The following ZNF777 variants were observed in gnomAD, a reference collection of about 807,000 sequenced individuals.
The protein encoded by ZNF777 is zinc finger protein 777.
A neutral mutation model predicts 72.1 loss-of-function variants in ZNF777; 7 were observed. The ratio of observed to expected loss-of-function variants is 0.10; its 90% CI spans 0.06 to 0.18. The LOEUF is 0.18. Ranked by LOEUF, ZNF777 falls within the 10% of genes least tolerant of loss-of-function variation. ZNF777 has a pLI of 1.00. For missense variants in ZNF777, 828 were observed against 1,128.6 expected (o/e 0.73, Z 3.82); for synonymous variants, 545 against 483.5 (o/e 1.13, Z -1.67).
At chr7:149,451,138 AT>A (rs1364616119) in intron 3 of ZNF777, 26 bp from the exon 4 acceptor site, 2 of 1,592,722 alleles carry the variant, frequency 1.3e-6, no homozygotes, top group Non-Finnish European at 1.7e-6. Context: ...GGAAAAAAAT[AT>A]GCTCTGGGAT....
Position 149,455,783 on chromosome 7 carries a change from T to C in ZNF777, c.240A>G (p.Ser80=). The C allele has an allele frequency of 6.2e-7, 1 of 1,608,504 alleles. No homozygotes were observed. The highest frequency in any genetic ancestry group is 8.5e-7 in the Non-Finnish European group (1 of 1,176,898). Residue 80 remains serine, a synonymous_variant, in exon 2 of 6, where the codon TCA becomes TCG. Transcript: ENST00000247930. The surrounding 1 kb of genome is among the most constrained non-coding windows in gnomAD (Gnocchi z 4.2). ...GCTCAGAAGCGGCAGAACACAGGAG[T>C]GAGGGTCCCTTCTGGAGCACATGTG... ...RMPHVLQKGP[S]LLCSAASEQE... is the part of the protein sequence containing the mutation.
intron 4 of ZNF777, among the ~76,000 whole-genome samples, chr7:149,438,229 C>T (rs556448822): frequency 1.3e-5 from 2 of 151,810 alleles, no homozygotes; most frequent in East Asian, 3.9e-4. Flanking sequence ...AACTCCTGGC[C>T]TCAAGTGATC....
At position 149,455,157 on chromosome 7, in the gene ZNF777, C is replaced by T. The variant is rs965359240; in HGVS notation, c.846+20G>A. 1.9e-6 allele frequency: 3 copies of T among 1,596,684 alleles called. No individual in the cohort carries two copies. Among genetic ancestry groups the T allele is most frequent in the East Asian group, 4.5e-5 (2 of 44,808 alleles). Reference sequence around the variant, plus strand: ...AATTCAGATCACTTCCTTGGGAAGCCCCAGTTGGGATGTGCTTACCTTGGG... The same window carrying T: ...AATTCAGATCACTTCCTTGGGAAGCTCCAGTTGGGATGTGCTTACCTTGGG... On this transcript the variant is annotated intron_variant, in intron 2 of 5. Transcript: ENST00000247930. This position sits in a 1 kb window ranked among gnomAD's most constrained non-coding sequence, Gnocchi z 4.2.
intron 4 of ZNF777, among the ~76,000 whole-genome samples, chr7:149,438,935 C>T (rs1563234736): frequency 6.6e-6 from 1 of 152,136 alleles, no homozygotes; most frequent in Admixed American, 6.6e-5. Context: ...TAAATGAAGA[C>T]CTTTGATTCC....
At chr7:149,451,175 T>C in intron 3 of ZNF777, 63 bp from the exon 4 acceptor site, 1 of 1,443,200 alleles carries the variant, frequency 6.9e-7, no homozygotes, top group Non-Finnish European at 9.7e-7. Flanking sequence ...GTTGTTAAGG[T>C]ATCATCTGTG....
Position 149,456,113 on chromosome 7 carries a change from T to C in ZNF777, c.-15-76A>G, listed in dbSNP as rs1799825836. ...TAGCAAAATAAAACCCAAAGACAAG[T>C]ATACACATAAAAAGTGCTTCCGTTT... On this transcript the variant is annotated intron_variant, in intron 1 of 5. Transcript: ENST00000247930. The C allele has an allele frequency of 2.7e-6, 4 of 1,471,920 alleles. No individual in the cohort carries two copies. The East Asian group carries it at 6.9e-5, about 25-fold the overall frequency. The allele number at this position is 1,471,920 out of a possible 1,614,324, so 91.2% of individuals were successfully genotyped here.
intron 4 of ZNF777, among the ~76,000 whole-genome samples, chr7:149,443,416 T>C (rs935287272): frequency 6.6e-6 from 1 of 152,172 alleles, no homozygotes; most frequent in African/African-American, 2.4e-5. Flanking sequence ...GAGAAAACTA[T>C]GGGGGACTTT....
chr7:149,442,292 C>A (rs1799533968), intron 4 of ZNF777, among the ~76,000 whole-genome samples: 1 of 149,534 alleles, frequency 6.7e-6, no homozygotes. Context: ...CACACACACA[C>A]ACACACACAC....
chr7:149,460,057 C>T lies in ZNF777; in HGVS notation c.-16+758G>A, dbSNP rs1161644282. The T allele has an allele frequency of 1.0e-6, 1 of 982,198 alleles. No individual in the cohort carries two copies. Among genetic ancestry groups the T allele is most frequent in the Non-Finnish European group, 1.2e-6 (1 of 828,632 alleles). The allele number at this position is 982,198 out of a possible 1,614,324, so 60.8% of individuals were successfully genotyped here. On this transcript the variant is annotated intron_variant, in intron 1 of 5. Transcript: ENST00000247930. The surrounding 1 kb of genome is among the most constrained non-coding windows in gnomAD (Gnocchi z 6.1). ...AGATCCCAGGCCGGGCCGCCGAGCC[C>T]GGGACACGCAGGCCGTCCCCGGGGC...
chr7:149,447,426 C>T (rs1236921005), intron 4 of ZNF777, among the ~76,000 whole-genome samples: 1 of 152,196 alleles, frequency 6.6e-6, no homozygotes, highest in Admixed American at 6.5e-5. Context: ...AAACGGAATT[C>T]TCAGTGTTTC....
chr7:149,434,615 C>T (rs1338800496), intron 5 of ZNF777, among the ~76,000 whole-genome samples: 1 of 152,180 alleles, frequency 6.6e-6, no homozygotes, highest in Non-Finnish European at 1.5e-5. Flanking sequence ...CTGAGTCTGG[C>T]TCTATCGCTC....
Position 149,436,563 on chromosome 7 carries a change from C to A in ZNF777, c.1339+12G>T, listed in dbSNP as rs773826487. Reference sequence around the variant, plus strand: ...GGCAACCCTTCCCCGGCCGTCCCCGCCCAGCACTCACCCGTGCAGTTCCTC... The same window carrying A: ...GGCAACCCTTCCCCGGCCGTCCCCGACCAGCACTCACCCGTGCAGTTCCTC... On this transcript the variant is annotated intron_variant, in intron 5 of 5. Coordinates refer to ENST00000247930, the MANE Select transcript of ZNF777 (RefSeq NM_015694.3). This position sits in a 1 kb window ranked among gnomAD's most constrained non-coding sequence, Gnocchi z 5.0. The A allele has an allele frequency of 6.3e-7, 1 of 1,586,428 alleles. No homozygotes were observed. Among genetic ancestry groups the A allele is most frequent in the Non-Finnish European group, 8.6e-7 (1 of 1,164,002 alleles).
chr7:149,446,787 C>A (rs1799610810), intron 4 of ZNF777, among the ~76,000 whole-genome samples: 1 of 152,130 alleles, frequency 6.6e-6, no homozygotes, highest in Non-Finnish European at 1.5e-5. Context: ...ATCTCTACTT[C>A]CTCGCCTCCC....
chr7:149,459,607 C>G, intron 1 of ZNF777: 1 of 981,634 alleles, frequency 1.0e-6, no homozygotes, highest in African/African-American at 1.7e-5. Context: ...AGGCCCGCAG[C>G]CCTCTGGGCA....
Position 149,456,049 on chromosome 7 carries a change from G to C in ZNF777, c.-15-12C>G. ...TCCAGCTGCTGAACCTGTGTTCATG[G>C]AAGAAAGGAAAAGAGGATTAAAGGC... On this transcript the variant is annotated splice_polypyrimidine_tract_variant and intron_variant, in intron 1 of 5. Transcript: ENST00000247930. 6.5e-7 allele frequency: 1 copy of C among 1,531,318 alleles called. No individual in the cohort carries two copies. The highest frequency in any genetic ancestry group is 1.3e-5 in the South Asian group (1 of 78,236). 94.9% of individuals were successfully genotyped at this position (1,531,318 alleles called of 1,614,324 possible).
intron 4 of ZNF777, among the ~76,000 whole-genome samples, chr7:149,439,282 G>T (rs964066840): frequency 6.6e-6 from 1 of 152,020 alleles, no homozygotes; most frequent in Non-Finnish European, 1.5e-5. Context: ...CACGACTCTA[G>T]CATCAGGAAA....
In ZNF777 at chr7:149,455,207, C is replaced by A; in HGVS notation, c.816G>T (p.Leu272=). 6.2e-7 allele frequency: 1 copy of A among 1,613,564 alleles called. No homozygotes were observed. The highest frequency in any genetic ancestry group is 1.3e-5 in the African/African-American group (1 of 74,982). ...GAACTTCTCCATTGCTGCCGGGGGG[C>A]AGCCGCAGGATCCAGAAATTTCTGT... ...LKNRNFWILR[L]PPGSNGEVPK... is the part of the protein sequence containing the mutation. Residue 272 remains leucine (L), a synonymous_variant, in exon 2 of 6, where the codon CTG becomes CTT. Coordinates refer to ENST00000247930, the MANE Select transcript of ZNF777 (RefSeq NM_015694.3). This position sits in a 1 kb window ranked among gnomAD's most constrained non-coding sequence, Gnocchi z 4.2.
chr7:149,431,571 C>A lies in ZNF777; in HGVS notation c.*205G>T, dbSNP rs370417499. ...GGTTCCCCAGGTCCGCGCCCTCCCC[C>A]CTGGGGCCCCCGGGGAAACGCGGCA... On this transcript the variant is annotated 3_prime_UTR_variant, in exon 6 of 6. Coordinates refer to ENST00000247930, the MANE Select transcript of ZNF777 (RefSeq NM_015694.3). 3.6e-5 allele frequency: 19 copies of A among 535,158 alleles called. No individual in the cohort carries two copies. Among genetic ancestry groups the A allele is most frequent in the Middle Eastern group, 6.2e-4 (2 of 3,204 alleles). The allele number at this position is 535,158 out of a possible 1,614,324, so 33.2% of individuals were successfully genotyped here. A position where few individuals can be genotyped will look rare whatever the true frequency, so the allele number is the denominator to read the frequency against.
At chr7:149,433,222 C>T (rs1799355121) in intron 5 of ZNF777, among the ~76,000 whole-genome samples, 1 of 152,156 alleles carries the variant, frequency 6.6e-6, no homozygotes, top group Non-Finnish European at 1.5e-5. Context: ...CAGGGGAAAT[C>T]GCTTCCTGTT....
Sources: allele counts gnomAD v4.1 joint callset (sites outside exome capture counted in the v4.1 genomes callset), GRCh38; gene constraint gnomAD v4.1.1; non-coding constraint Gnocchi (gnomAD v3.1); transcripts MANE v1.5; gene names NCBI Gene and HGNC (gene_info 2026-07-23, HGNC 2026-07-21).